RTKN: variants seen among roughly 807,000 people sequenced by gnomAD.
RTKN encodes the protein rhotekin.
A neutral mutation model predicts 63.5 loss-of-function variants in RTKN; 49 were observed. The observed-to-expected ratio is 0.77, with a 90% CI of 0.61 to 0.98. The LOEUF (loss-of-function observed/expected upper bound fraction) is 0.98. RTKN is among the 50% of genes least tolerant of loss of function. The probability of loss-of-function intolerance (pLI) is 0.00; values close to 1 mark genes in which losing one functional copy is unlikely to be tolerated. For missense variants in RTKN, 685 were observed against 740.8 expected (o/e 0.92, Z 0.87); for synonymous variants, 295 against 290.4 (o/e 1.02, Z -0.16).
intron 1 of RTKN, chr2:74,439,741 G>A (rs532015443): frequency 8.8e-5 from 135 of 1,531,364 alleles, no homozygotes; most frequent in Middle Eastern, 1.7e-4. Context: ...GAGGTGGCCA[G>A]CTCTTGGGCA....
intron 1 of RTKN, among the ~76,000 whole-genome samples, chr2:74,438,053 G>A (rs551641773): frequency 1.2e-4 from 18 of 152,114 alleles, no homozygotes; most frequent in African/African-American, 3.9e-4. Context: ...CCAGGGAGTG[G>A]GGGCAGGGCT....
chr2:74,439,331 A>T (rs1484364124), intron 1 of RTKN, among the ~76,000 whole-genome samples: 1 of 152,200 alleles, frequency 6.6e-6, no homozygotes, highest in East Asian at 1.9e-4. Context: ...TTCCTGAAAT[A>T]GGTGTAAAGA....
At chr2:74,437,899 C>A (rs572213694) in intron 1 of RTKN, among the ~76,000 whole-genome samples, 2 of 152,302 alleles carry the variant, frequency 1.3e-5, no homozygotes, top group South Asian at 4.1e-4. Flanking sequence ...GAAACCAGAC[C>A]AGGACTCTCA....
chr2:74,440,605 G>A (rs1671315445), intron 1 of RTKN: 1 of 979,572 alleles, frequency 1.0e-6, no homozygotes. Flanking sequence ...CTAATCCCAG[G>A]GGCGGCCCCA....
chr2:74,427,094 C>T, intron 11 of RTKN, 75 bp downstream of exon 11: 1 of 1,548,456 alleles, frequency 6.5e-7, no homozygotes. Context: ...TCTCTGTTTC[C>T]ATTATCTGGT....
chr2:74,441,659 G>A, intron 1 of RTKN, 47 bp downstream of exon 1: 2 of 1,405,080 alleles, frequency 1.4e-6, no homozygotes, highest in Non-Finnish European at 9.9e-7. Flanking sequence ...GGCTGGGGCT[G>A]CCCCCGGGAG....
rs187157365 is a variant in RTKN, at chr2:74,435,531, C to T, written c.112-2865G>A. Among the ~76,000 whole-genome samples the T allele has an allele frequency of 6.6e-5, 10 of 152,316 alleles. No individual in the cohort carries two copies. In the East Asian group the frequency reaches 1.7e-3, roughly 26 times the overall value. On this transcript the variant is annotated intron_variant, in intron 1 of 11. Coordinates refer to ENST00000272430, the MANE Select transcript of RTKN (RefSeq NM_001015055.2). ...CCAGCTGGGAGGTGAGAGATGATGA[C>T]TTTAATGGCTGCTCCATAAGTGCCA...
intron 2 of RTKN, among the ~76,000 whole-genome samples, chr2:74,431,487 C>G (rs898297806): frequency 3.3e-5 from 5 of 152,260 alleles, no homozygotes; most frequent in Non-Finnish European, 7.3e-5. Flanking sequence ...TGATGTGGCA[C>G]TAATGGCAAT....
chr2:74,433,754 A>G (rs1670899708), intron 1 of RTKN, among the ~76,000 whole-genome samples: 1 of 152,126 alleles, frequency 6.6e-6, no homozygotes, highest in Admixed American at 6.5e-5. Context: ...CGGCCTCCCA[A>G]AGTGCTGGGA....
Position 74,427,561 on chromosome 2 carries a change from T to G in RTKN, c.1118A>C (p.Gln373Pro), listed in dbSNP as rs147488297. The part of the protein sequence containing the change: ...ETRVRAGELD[Q>P]ALGRPFTLSI... ...TAGGGTGAAGGGCCGTCCTAGAGCCTGGTCCAGCTCCCCTGCCCGGACTCG... is the reference window on the plus strand; with the variant it reads ...TAGGGTGAAGGGCCGTCCTAGAGCCGGGTCCAGCTCCCCTGCCCGGACTCG... The change falls in exon 10 of 12, where the codon CAG becomes CCG. Residue 373 changes from glutamine to proline, a missense_variant. By Grantham distance (76) the Gln-to-Pro change is moderately conservative. Coordinates refer to ENST00000272430, the MANE Select transcript of RTKN (RefSeq NM_001015055.2). 5.2e-5 allele frequency: 84 copies of G among 1,613,548 alleles called. No homozygotes were observed. The African/African-American group carries it at 1.1e-3, about 20-fold the overall frequency.
intron 5 of RTKN, 70 bp downstream of exon 5, chr2:74,430,182 C>T: frequency 1.3e-6 from 2 of 1,544,940 alleles, no homozygotes; most frequent in East Asian, 2.2e-5. Context: ...CAGCTTCCTC[C>T]CCTGGAACTC....
chr2:74,438,259 C>T (rs949381265), intron 1 of RTKN, among the ~76,000 whole-genome samples: 10 of 152,288 alleles, frequency 6.6e-5, no homozygotes, highest in Non-Finnish European at 1.3e-4. Flanking sequence ...CTGGAGTTCT[C>T]TTTCTTTGCC....
intron 6 of RTKN, 102 bp from the exon 7 acceptor site, chr2:74,429,044 A>G: frequency 1.1e-6 from 1 of 918,548 alleles, no homozygotes; most frequent in Non-Finnish European, 1.8e-6. Context: ...ACTGCCCCAC[A>G]GAAAACTCGC....
rs952476329 is a variant in RTKN, at chr2:74,428,558, C to T, written c.957+73G>A. On this transcript the variant is annotated intron_variant, in intron 8 of 11. Transcript: ENST00000272430. Reference sequence around the variant, plus strand: ...CACCCAAATCTTGATTTTTCATTAGCTCTTCTATTCCTGGTTATCCAGCTC... The same window carrying T: ...CACCCAAATCTTGATTTTTCATTAGTTCTTCTATTCCTGGTTATCCAGCTC... 1.1e-5 allele frequency: 17 copies of T among 1,537,684 alleles called. No homozygotes were observed. In the Middle Eastern group the frequency reaches 6.8e-4, roughly 61 times the overall value.
In RTKN at chr2:74,426,482, T is replaced by A; in HGVS notation, c.1453A>T (p.Met485Leu). The part of the protein sequence containing the change: ...RLETPPPWLA[M>L]FTDQPALPNP... ...GGCAGGGCAGGCTGGTCTGTAAACA[T>A]TGCCAGCCAGGGTGGGGGTGTCTCC... The change falls in exon 12 of 12, where the codon ATG (methionine) becomes TTG (leucine). Residue 485 changes from methionine to leucine, a missense_variant. Coordinates refer to ENST00000272430, the MANE Select transcript of RTKN (RefSeq NM_001015055.2). The A allele has an allele frequency of 6.2e-7, 1 of 1,602,468 alleles. No individual in the cohort carries two copies. The highest frequency in any genetic ancestry group is 8.5e-7 in the Non-Finnish European group (1 of 1,172,714).
intron 1 of RTKN, among the ~76,000 whole-genome samples, chr2:74,435,285 A>T (rs1198457128): frequency 6.6e-6 from 1 of 152,222 alleles, no homozygotes; most frequent in Non-Finnish European, 1.5e-5. Flanking sequence ...CAACCTCCCT[A>T]AGCCTCAGTT....
rs1039053229 is a variant in RTKN, at chr2:74,436,962, G to A, written c.112-4296C>T. Among the ~76,000 whole-genome samples, 2 of 152,122 alleles carry A rather than the reference G, an allele frequency of 1.3e-5. No homozygotes were observed. Among genetic ancestry groups the A allele is most frequent in the Admixed American group, 1.3e-4 (2 of 15,280 alleles). On this transcript the variant is annotated intron_variant, in intron 1 of 11. Transcript: ENST00000272430. This position sits in a 1 kb window ranked among gnomAD's most constrained non-coding sequence, Gnocchi z 4.3. ...CAGAGCTGGGTGTCAGCTGGACCCGGGTCAGATCCCAAGGGGCTAGAGGAT... is the reference window on the plus strand; with the variant it reads ...CAGAGCTGGGTGTCAGCTGGACCCGAGTCAGATCCCAAGGGGCTAGAGGAT...
At chr2:74,432,003 T>C (rs1670775889) in intron 2 of RTKN, 2 of 276,424 alleles carry the variant, frequency 7.2e-6, no homozygotes, top group Non-Finnish European at 1.4e-5. Context: ...ATCTAATTTG[T>C]TTGAATGGGT....
intron 9 of RTKN, 78 bp from the exon 10 acceptor site, chr2:74,427,670 TAGA>T (rs1670486921): frequency 6.9e-7 from 1 of 1,452,874 alleles, no homozygotes; most frequent in Non-Finnish European, 9.4e-7. Flanking sequence ...ACGCCTGCCT[TAGA>T]AGAATGAGCT....
Sources: allele counts gnomAD v4.1 joint callset (sites outside exome capture counted in the v4.1 genomes callset), GRCh38; gene constraint gnomAD v4.1.1; non-coding constraint Gnocchi (gnomAD v3.1); transcripts MANE v1.5; gene names NCBI Gene and HGNC (gene_info 2026-07-23, HGNC 2026-07-21).